HNRNPLL: variants seen among roughly 807,000 people sequenced by gnomAD.
The protein encoded by HNRNPLL is heterogeneous nuclear ribonucleoprotein L-like.
A neutral mutation model predicts 67.1 loss-of-function variants in HNRNPLL; 25 were observed. That is an observed-to-expected ratio of 0.37 (90% CI 0.27 to 0.52). The LOEUF is 0.52. Ranked by LOEUF, HNRNPLL falls within the 20% of genes least tolerant of loss-of-function variation. The probability of loss-of-function intolerance (pLI) is 0.90; values close to 1 mark genes in which losing one functional copy is unlikely to be tolerated. For missense variants in HNRNPLL, 542 were observed against 673.9 expected, an observed-to-expected ratio of 0.80 and a Z score of 2.17; for synonymous variants, 267 against 241.7, an observed-to-expected ratio of 1.10 and a Z score of -0.97.
At chr2:38,577,109 G>C (rs1460485546) in intron 7 of HNRNPLL, among the ~76,000 whole-genome samples, 2 of 151,682 alleles carry the variant, frequency 1.3e-5, no homozygotes, top group Admixed American at 6.6e-5. Context: ...ATTCCTCTTT[G>C]TTGCTAATTG....
Position 38,564,227 on chromosome 2 carries a change from A to T in HNRNPLL, c.1584T>A (p.Asn528Lys). ...HYQIRVPNGS[N>K]PYTLKLCFST... Reference sequence around the variant, plus strand: ...AAAAGCAAAGCTTCAATGTATAGGGATTGGAACCATCTGTAAAAAGTAAAA... The same window carrying T: ...AAAAGCAAAGCTTCAATGTATAGGGTTTGGAACCATCTGTAAAAAGTAAAA... Residue 528 changes from asparagine to lysine, a missense_variant, in exon 13 of 13, where the codon AAT becomes AAA. Around this residue, in one of 2 missense-constraint regions of HNRNPLL, gnomAD observed 415 missense variants for 575.2 expected, o/e 0.72. Coordinates refer to ENST00000449105, the MANE Select transcript of HNRNPLL (RefSeq NM_138394.4). 6.4e-7 allele frequency: 1 copy of T among 1,553,600 alleles called. No individual in the cohort carries two copies. The highest frequency in any genetic ancestry group is 8.9e-7 in the Non-Finnish European group (1 of 1,126,028).
chr2:38,580,597 A>G (rs1573737003), intron 6 of HNRNPLL, among the ~76,000 whole-genome samples: 1 of 152,132 alleles, frequency 6.6e-6, no homozygotes, highest in Non-Finnish European at 1.5e-5. Flanking sequence ...GAGCTTTTCC[A>G]CCCTGTAGTT....
In HNRNPLL at chr2:38,569,927, T is replaced by A; in HGVS notation, c.1093-2A>T. 6.4e-7 allele frequency: 1 copy of A among 1,573,604 alleles called. No individual in the cohort carries two copies. Among genetic ancestry groups the A allele is most frequent in the South Asian group, 1.2e-5 (1 of 84,266 alleles). The stretch of plus-strand genomic sequence containing the variant: ...AGGAATGGTCTTCATAAATTTTACC[T>A]GTAAACACAAAATTCCAAAAAGGTG... On this transcript the variant is annotated splice_acceptor_variant, in intron 8 of 12. Transcript: ENST00000449105. LOFTEE classifies it high-confidence loss of function.
At chr2:38,570,471 A>G (rs1213255418) in intron 8 of HNRNPLL, among the ~76,000 whole-genome samples, 1 of 152,228 alleles carries the variant, frequency 6.6e-6, no homozygotes, top group Non-Finnish European at 1.5e-5. Flanking sequence ...TATATAAGAA[A>G]TAATACAAAA....
intron 1 of HNRNPLL, 112 bp from the exon 2 acceptor site, chr2:38,591,760 G>C (rs1216270427): frequency 1.7e-6 from 1 of 592,468 alleles, no homozygotes; most frequent in African/African-American, 1.9e-5. Flanking sequence ...AGGGTCATTT[G>C]AGGTCAGGAG....
Position 38,563,650 on chromosome 2 carries a change from CT to C in HNRNPLL, c.*531del, listed in dbSNP as rs570774408. 7.8e-3 allele frequency: 1,194 copies of C among 152,770 alleles called. 11 individuals are homozygous for C. The highest frequency in any genetic ancestry group is 0.011 in the Non-Finnish European group (727 of 68,440). The allele number at this position is 152,770 out of a possible 1,614,324, so 9.5% of individuals were successfully genotyped here. On this transcript the variant is annotated 3_prime_UTR_variant, in exon 13 of 13. Coordinates refer to ENST00000449105, the MANE Select transcript of HNRNPLL (RefSeq NM_138394.4). The stretch of plus-strand genomic sequence containing the variant: ...TACACGTGTATCCATGTCTGTTAGC[CT>C]TTCAGAAATATAAAATCAGTTAAAT...
At chr2:38,579,083 T>C (rs1199573613) in intron 6 of HNRNPLL, among the ~76,000 whole-genome samples, 1 of 152,112 alleles carries the variant, frequency 6.6e-6, no homozygotes, top group East Asian at 1.9e-4. Context: ...CCTAGGAATC[T>C]TAAAACCACA....
intron 7 of HNRNPLL, among the ~76,000 whole-genome samples, chr2:38,575,940 C>G (rs930787938): frequency 6.6e-6 from 1 of 151,728 alleles, no homozygotes; most frequent in Non-Finnish European, 1.5e-5. Flanking sequence ...AAAAGTGGAA[C>G]AAATTAACCT....
chr2:38,580,427 T>C (rs1007367474), intron 6 of HNRNPLL, among the ~76,000 whole-genome samples: 2 of 152,240 alleles, frequency 1.3e-5, no homozygotes, highest in African/African-American at 4.8e-5. Flanking sequence ...GAGCCAATCA[T>C]CTAAAAGTCC....
rs780141975 is a variant in HNRNPLL, at chr2:38,577,500, A to G, written c.835T>C (p.Leu279=). The change falls in exon 7 of 13, where the codon TTG becomes CTG. Residue 279 remains leucine (L), a synonymous_variant. Transcript: ENST00000449105. ...RGKGRQRQAI[L]GEHPSSFRHD... ...CTAAACGAAGAAGGGTGTTCTCCCAAAATGGCTTGTCTCTGGCGACCCTTT... is the reference window on the plus strand; with the variant it reads ...CTAAACGAAGAAGGGTGTTCTCCCAGAATGGCTTGTCTCTGGCGACCCTTT... 1.2e-6 allele frequency: 2 copies of G among 1,610,920 alleles called. No homozygotes were observed. The highest frequency in any genetic ancestry group is 3.3e-5 in the Admixed American group (2 of 59,958).
At chr2:38,581,649 G>A in intron 6 of HNRNPLL, 1 of 518,632 alleles carries the variant, frequency 1.9e-6, no homozygotes, top group Non-Finnish European at 3.4e-6. Flanking sequence ...AGAGCTGCTT[G>A]GAGAAATGCA....
intron 1 of HNRNPLL, among the ~76,000 whole-genome samples, chr2:38,594,482 G>T (rs902352719): frequency 6.6e-6 from 1 of 152,064 alleles, no homozygotes; most frequent in Non-Finnish European, 1.5e-5. Flanking sequence ...AAAAAAGTAT[G>T]TATATAAATA....
intron 12 of HNRNPLL, among the ~76,000 whole-genome samples, chr2:38,566,593 G>T (rs1410947021): frequency 6.6e-6 from 1 of 151,832 alleles, no homozygotes; most frequent in Non-Finnish European, 1.5e-5. Flanking sequence ...GTAAACTGGT[G>T]CAACCTTTAT....
intron 7 of HNRNPLL, among the ~76,000 whole-genome samples, chr2:38,575,229 TTAAGA>T (rs1344927825): frequency 1.8e-4 from 27 of 151,754 alleles, no homozygotes; most frequent in African/African-American, 6.5e-4. Context: ...CCTATATTAT[TTAAGA>T]TAAGAAAAAT....
In HNRNPLL at chr2:38,585,688, C is replaced by T; in HGVS notation, c.502G>A (p.Val168Ile). Residue 168 changes from valine (V) to isoleucine (I), a missense_variant, in exon 3 of 13, where the codon GTT becomes ATT. Val to Ile is a conservative substitution (Grantham distance 29, BLOSUM62 3). Transcript: ENST00000449105. ...GGATTCTGAATTGAGAGCAGAAGAA[C>T]TTTGTTGCCTCCTGATGGATCATCA... ...NTDDPSGGNK[V>I]LLLSIQNPLY... 6.2e-7 allele frequency: 1 copy of T among 1,613,122 alleles called. No individual in the cohort carries two copies. The highest frequency in any genetic ancestry group is 8.5e-7 in the Non-Finnish European group (1 of 1,179,094).
intron 7 of HNRNPLL, 119 bp downstream of exon 7, chr2:38,577,342 C>T (rs1207385625): frequency 3.0e-6 from 2 of 672,046 alleles, no homozygotes; most frequent in African/African-American, 1.8e-5. Flanking sequence ...GGGACTGATC[C>T]CATATAAACC....
intron 3 of HNRNPLL, among the ~76,000 whole-genome samples, chr2:38,585,319 T>C (rs112913981): frequency 2.6e-5 from 4 of 152,250 alleles, no homozygotes; most frequent in Admixed American, 6.5e-5. Context: ...TGCTCTTATA[T>C]ATATGCTGGC....
At position 38,564,170 on chromosome 2, in the gene HNRNPLL, GCTCTT is replaced by G; in HGVS notation, c.*7_*11del. On this transcript the variant is annotated 3_prime_UTR_variant, in exon 13 of 13. Transcript: ENST00000449105. The stretch of plus-strand genomic sequence containing the variant: ...TAAAGGTGAACATAAATTCTAACAT[GCTCTT>G]CTCTTCTTATAAATGGGATGATGTA... 4 of 1,450,580 alleles carry G rather than the reference GCTCTT, an allele frequency of 2.8e-6. No individual in the cohort carries two copies. Among genetic ancestry groups the G allele is most frequent in the Non-Finnish European group, 3.9e-6 (4 of 1,032,830 alleles). The allele number at this position is 1,450,580 out of a possible 1,614,324, so 89.9% of individuals were successfully genotyped here.
At position 38,563,788 on chromosome 2, in the gene HNRNPLL, C is replaced by T. The variant is rs1255190089; in HGVS notation, c.*394G>A. 3 of 156,410 alleles carry T rather than the reference C, an allele frequency of 1.9e-5. No individual in the cohort carries two copies. The highest frequency in any genetic ancestry group is 4.2e-5 in the Non-Finnish European group (3 of 71,004). 9.7% of individuals were successfully genotyped at this position (156,410 alleles called of 1,614,324 possible). On this transcript the variant is annotated 3_prime_UTR_variant, in exon 13 of 13. Transcript: ENST00000449105. ...ACTGCAACATACTTAAACATCTAAA[C>T]ATATAATAGGAATTCTATATTAAAA... is the stretch of plus-strand genomic sequence containing the variant.
Sources: gnomAD v4.1 joint callset for allele counts (sites outside exome capture counted in the v4.1 genomes callset) on GRCh38, gnomAD v4.1.1 for gene constraint, gnomAD v4.1.1 regional missense constraint, MANE v1.5 for transcripts, NCBI Gene and HGNC (gene_info 2026-07-23, HGNC 2026-07-21) for gene names.